The following HTR4 variants were observed in gnomAD, a reference collection of about 807,000 sequenced individuals.
The protein encoded by HTR4 is 5-hydroxytryptamine receptor 4.
HTR4 carries 16 observed loss-of-function variants against 36.8 expected under a neutral mutation model. That is an observed-to-expected ratio of 0.43 (90% CI 0.29 to 0.66). HTR4 has a LOEUF of 0.66. Ranked by LOEUF, HTR4 falls within the 30% of genes least tolerant of loss-of-function variation. HTR4 has a pLI of 0.13. For synonymous variants in HTR4, 189 were observed against 185.1 expected, an observed-to-expected ratio of 1.02 and a Z score of -0.17; for missense variants, 438 against 490.9, an observed-to-expected ratio of 0.89 and a Z score of 1.02.
exon 6 of HTR4, chr5:148,451,266 G>C: frequency 6.2e-7 from 1 of 1,613,696 alleles, no homozygotes; most frequent in Non-Finnish European, 8.5e-7. Context: ...TGTGCAGAAC[G>C]GTGTACCTAG....
At chr5:148,595,081 G>GTT (rs573047355) in intron 2 of HTR4, among the ~76,000 whole-genome samples, 21 of 144,980 alleles carry the variant, frequency 1.4e-4, no homozygotes, top group Non-Finnish European at 1.7e-4. Context: ...TCTGAAAACA[G>GTT]TTTTTTTTTT....
chr5:148,645,222 A>T (rs1008034554), intron 1 of HTR4: 1 of 152,150 alleles, frequency 6.6e-6, no homozygotes, highest in Non-Finnish European at 1.5e-5. Context: ...TTTTTTCTGT[A>T]AATGGCTATT....
intron 6 of HTR4, chr5:148,484,329 G>T: frequency 6.2e-7 from 1 of 1,613,344 alleles, no homozygotes; most frequent in Non-Finnish European, 8.5e-7. Context: ...CGCTCTGGCA[G>T]GCTTTGTCCA....
intron 5 of HTR4, among the ~76,000 whole-genome samples, chr5:148,464,384 A>C (rs1463346769): frequency 1.3e-5 from 2 of 152,234 alleles, no homozygotes; most frequent in South Asian, 4.1e-4. Flanking sequence ...AGAACTCTTA[A>C]ATTTCAATAA....
intron 2 of HTR4, among the ~76,000 whole-genome samples, chr5:148,551,595 T>C (rs779502124): frequency 6.6e-6 from 1 of 152,172 alleles, no homozygotes; most frequent in African/African-American, 2.4e-5. Flanking sequence ...ACTTTTATAG[T>C]ATAATAAAAT....
chr5:148,653,608 AACACAC>A (rs56205829), intron 1 of HTR4, among the ~76,000 whole-genome samples: 70 of 149,362 alleles, frequency 4.7e-4, no homozygotes, highest in Middle Eastern at 6.9e-3. Flanking sequence ...CTCTCTCTCT[AACACAC>A]ACACACACAC....
intron 1 of HTR4, among the ~76,000 whole-genome samples, chr5:148,640,236 G>A (rs1450458682): frequency 3.3e-5 from 5 of 152,192 alleles, no homozygotes; most frequent in Admixed American, 3.3e-4. Flanking sequence ...ATTTTCTGCT[G>A]TCCATCCATC....
chr5:148,602,159 T>TAAA (rs1485555080), intron 2 of HTR4, among the ~76,000 whole-genome samples: 1 of 152,030 alleles, frequency 6.6e-6, no homozygotes, highest in Non-Finnish European at 1.5e-5. Context: ...ATAATAATAA[T>TAAA]AAATCGGGTT....
intron 4 of HTR4, among the ~76,000 whole-genome samples, chr5:148,536,059 C>A (rs561230230): frequency 6.6e-6 from 1 of 152,242 alleles, no homozygotes; most frequent in East Asian, 1.9e-4. Flanking sequence ...ACCCTACAGA[C>A]CAGAAAGAAT....
intron 4 of HTR4, among the ~76,000 whole-genome samples, chr5:148,526,859 A>G (rs1273230996): frequency 6.6e-6 from 1 of 152,138 alleles, no homozygotes. Context: ...AATGATGGTT[A>G]CCACAGGCTG....
chr5:148,495,793 T>C (rs1353734229), intron 6 of HTR4, among the ~76,000 whole-genome samples: 2 of 152,200 alleles, frequency 1.3e-5, no homozygotes, highest in African/African-American at 2.4e-5. Flanking sequence ...TTAAGTTAGA[T>C]AAAGTTATTA....
At chr5:148,517,697 T>C (rs1196787804) in intron 5 of HTR4, among the ~76,000 whole-genome samples, 1 of 152,050 alleles carries the variant, frequency 6.6e-6, no homozygotes, top group Non-Finnish European at 1.5e-5. Context: ...TAAATTACAA[T>C]CTCGATTGTT....
chr5:148,509,340 T>C, intron 6 of HTR4, 116 bp downstream of exon 6: 2 of 734,208 alleles, frequency 2.7e-6, no homozygotes, highest in South Asian at 4.0e-5. Context: ...TTTTATAATC[T>C]TTGCAAACTC....
Position 148,454,226 on chromosome 5 carries a change from A to G in HTR4, c.1077-2954T>C, listed in dbSNP as rs142136847. 9.8e-5 allele frequency among the ~76,000 whole-genome samples: 15 copies of G among 152,332 alleles called. No individual in the cohort carries two copies. The East Asian group carries it at 2.9e-3, about 29-fold the overall frequency. ...TATACCTCTGTAACTGAGGTTAATG[A>G]TACCTACCACATAGCTTTGCTCTGT... On this transcript the variant is annotated intron_variant, in intron 5 of 5. Coordinates refer to the HTR4 transcript ENST00000521530.
chr5:148,499,571 T>G (rs549974952), intron 6 of HTR4, among the ~76,000 whole-genome samples: 9 of 152,328 alleles, frequency 5.9e-5, no homozygotes, highest in African/African-American at 2.2e-4. Context: ...TAGTTCTCCC[T>G]CAGAGCCACA....
chr5:148,578,883 C>A (rs1043163763), intron 2 of HTR4, among the ~76,000 whole-genome samples: 1 of 152,014 alleles, frequency 6.6e-6, no homozygotes, highest in African/African-American at 2.4e-5. Context: ...ACAATGGTGT[C>A]CTTACACCAA....
intron 6 of HTR4, among the ~76,000 whole-genome samples, chr5:148,505,618 A>C (rs537251927): frequency 6.6e-5 from 10 of 152,310 alleles, no homozygotes; most frequent in Non-Finnish European, 1.3e-4. Flanking sequence ...GTATATTTAG[A>C]AAACCCCATC....
chr5:148,603,887 G>A (rs1046913368), intron 2 of HTR4, among the ~76,000 whole-genome samples: 36 of 151,952 alleles, frequency 2.4e-4, no homozygotes, highest in African/African-American at 8.5e-4. Context: ...AGCCCCACCC[G>A]TAATCATCAC....
intron 2 of HTR4, among the ~76,000 whole-genome samples, chr5:148,612,956 T>C (rs1157066415): frequency 4.7e-5 from 7 of 149,780 alleles, no homozygotes; most frequent in African/African-American, 1.2e-4. Context: ...CCTTGACACA[T>C]ACACTCTCCC....
Sources: allele counts gnomAD v4.1 joint callset (sites outside exome capture counted in the v4.1 genomes callset), GRCh38; gene constraint gnomAD v4.1.1; transcripts MANE v1.5; gene names NCBI Gene and HGNC (gene_info 2026-07-23, HGNC 2026-07-21).